The following TMEM51 variants were observed in gnomAD, a reference collection of about 807,000 sequenced individuals.
TMEM51 encodes chromosome 1 open reading frame 72.
A neutral mutation model predicts 13.6 loss-of-function variants in TMEM51; 8 were observed. The observed-to-expected ratio is 0.59, with a 90% CI of 0.35 to 1.07. TMEM51 has a LOEUF of 1.07. TMEM51 is among the 50% of genes least tolerant of loss of function. The pLI, the probability that TMEM51 is intolerant of heterozygous loss-of-function variation, is 0.02. For synonymous variants in TMEM51, 147 were observed against 144.4 expected, an observed-to-expected ratio of 1.02 and a Z score of -0.13; for missense variants, 279 against 330.7, an observed-to-expected ratio of 0.84 and a Z score of 1.21.
upstream of TMEM51, among the ~76,000 whole-genome samples, chr1:15,153,514 G>A (rs1204719101): frequency 1.1e-5 from 1 of 87,584 alleles, no homozygotes; most frequent in African/African-American, 4.2e-5. Flanking sequence ...CAAGGGTTGG[G>A]GAGAACTTAG....
At chr1:15,200,477 A>G (rs1644135219) in intron 1 of TMEM51, among the ~76,000 whole-genome samples, 1 of 149,146 alleles carries the variant, frequency 6.7e-6, no homozygotes, top group Non-Finnish European at 1.5e-5. Context: ...CAACCGCGTG[A>G]GGACAGAGGG....
chr1:15,175,348 C>A (rs556999740), intron 1 of TMEM51, among the ~76,000 whole-genome samples: 1 of 151,996 alleles, frequency 6.6e-6, no homozygotes, highest in African/African-American at 2.4e-5. Context: ...TGCAGTGAGC[C>A]GAGACCATAC....
intron 2 of TMEM51, among the ~76,000 whole-genome samples, chr1:15,214,238 T>C (rs6429729): frequency 0.56 from 84,342 of 151,688 alleles, 23,878 homozygotes; most frequent in East Asian, 0.64. Flanking sequence ...GCTGGAGGAT[T>C]TGGGGAGCAC....
intron 1 of TMEM51, among the ~76,000 whole-genome samples, chr1:15,197,644 G>T (rs551952326): frequency 6.9e-6 from 1 of 145,400 alleles, no homozygotes; most frequent in Admixed American, 7.3e-5. Flanking sequence ...CCAGTGCTCC[G>T]ATTATGGGCA....
chr1:15,186,692 T>C (rs1204816922), intron 1 of TMEM51, among the ~76,000 whole-genome samples: 2 of 152,220 alleles, frequency 1.3e-5, no homozygotes, highest in East Asian at 1.9e-4. Context: ...CGAAGAGCCT[T>C]ATGAGCAGGG....
intron 1 of TMEM51, among the ~76,000 whole-genome samples, chr1:15,204,984 G>A (rs918626646): frequency 6.6e-6 from 1 of 152,134 alleles, no homozygotes; most frequent in African/African-American, 2.4e-5. Flanking sequence ...GGCTGACGGG[G>A]ACAGGAGATC....
intron 1 of TMEM51, among the ~76,000 whole-genome samples, chr1:15,158,806 G>A (rs1456636767): frequency 1.3e-5 from 2 of 152,182 alleles, no homozygotes; most frequent in Non-Finnish European, 2.9e-5. Context: ...TCACAGAATG[G>A]ACAGCCACTT....
At chr1:15,157,793 G>A (rs1396197233) in intron 1 of TMEM51, among the ~76,000 whole-genome samples, 1 of 152,208 alleles carries the variant, frequency 6.6e-6, no homozygotes, top group African/African-American at 2.4e-5. Flanking sequence ...TGTGTCTTTG[G>A]ATGGCAGGCT....
chr1:15,192,061 G>C, intron 1 of TMEM51: 1 of 522,888 alleles, frequency 1.9e-6, no homozygotes, highest in East Asian at 5.4e-5. Flanking sequence ...ATGAGGATTA[G>C]AAGTGGCCGG....
intron 1 of TMEM51, among the ~76,000 whole-genome samples, chr1:15,178,143 T>C (rs1337770727): frequency 2.0e-5 from 1 of 49,660 alleles, no homozygotes; most frequent in African/African-American, 5.1e-5. Flanking sequence ...GAGGTCCTTG[T>C]GGCTGGAGAC....
upstream of TMEM51, chr1:15,152,784 G>A (rs1289505109): frequency 1.3e-5 from 2 of 152,256 alleles, no homozygotes; most frequent in African/African-American, 4.8e-5. Flanking sequence ...CAGAGCCGCG[G>A]GTGAGAGGCT....
At chr1:15,158,111 C>T (rs1408181507) in intron 1 of TMEM51, among the ~76,000 whole-genome samples, 3 of 152,134 alleles carry the variant, frequency 2.0e-5, no homozygotes, top group African/African-American at 7.2e-5. Flanking sequence ...GGTTTTTCAA[C>T]TCGTCATTAC....
rs773372632 is a variant in TMEM51 at position 15,207,688 on chromosome 1, G to C, written c.-266-2802G>C. ...GTGGAAAGAGCCTCTGCCCAGCGTG[G>C]AGCGGTGAGGCTAAAGGCTTCCATG... On this transcript the variant is annotated intron_variant, in intron 1 of 3. Transcript: ENST00000376008. The surrounding 1 kb of genome is among the most constrained non-coding windows in gnomAD (Gnocchi z 4.6). Among the ~76,000 whole-genome samples, 2 of 152,226 alleles carry C rather than the reference G, an allele frequency of 1.3e-5. No individual in the cohort carries two copies. The highest frequency in any genetic ancestry group is 2.4e-5 in the African/African-American group (1 of 41,452).
intron 1 of TMEM51, among the ~76,000 whole-genome samples, chr1:15,159,109 C>T (rs2100808972): frequency 6.6e-6 from 1 of 152,288 alleles, no homozygotes; most frequent in East Asian, 1.9e-4. Flanking sequence ...GTGGTGGAGG[C>T]AGGGCCGACA....
At chr1:15,176,372 G>A (rs947583151) in intron 1 of TMEM51, among the ~76,000 whole-genome samples, 12 of 152,170 alleles carry the variant, frequency 7.9e-5, no homozygotes, top group African/African-American at 2.4e-4. Flanking sequence ...CCCTCAAGAC[G>A]ACTCTAAATG....
chr1:15,170,346 G>GT (rs1553198644), intron 1 of TMEM51, among the ~76,000 whole-genome samples: 50,633 of 122,794 alleles, frequency 0.41, 8,837 homozygotes, highest in East Asian at 0.57. Flanking sequence ...ATACTGCTGG[G>GT]TTTTTTTTTA....
intron 1 of TMEM51, among the ~76,000 whole-genome samples, chr1:15,155,424 T>C (rs1001764983): frequency 3.3e-5 from 5 of 152,240 alleles, no homozygotes; most frequent in Non-Finnish European, 7.3e-5. Flanking sequence ...TAAAATGGGA[T>C]GATGATCTCC....
chr1:15,165,694 A>G (rs1415532756), intron 1 of TMEM51, among the ~76,000 whole-genome samples: 1 of 152,240 alleles, frequency 6.6e-6, no homozygotes, highest in Non-Finnish European at 1.5e-5. Flanking sequence ...AATAGCAATA[A>G]AACTAAAAAT....
Position 15,154,148 on chromosome 1 carries a change from C to G in TMEM51, c.-267+194C>G, listed in dbSNP as rs368326084. Among the ~76,000 whole-genome samples, 53 of 152,154 alleles carry G rather than the reference C, an allele frequency of 3.5e-4. 1 individual carries two copies. In the South Asian group the frequency reaches 0.011, roughly 31 times the overall value. On this transcript the variant is annotated intron_variant, in intron 1 of 3. Transcript: ENST00000376008. ...ACCCTCTGCGGCCGCGCCCCGCCGG[C>G]GCGGGACGCTCCCGCCTCCCGGGCA...
Sources: allele counts gnomAD v4.1 joint callset (sites outside exome capture counted in the v4.1 genomes callset), GRCh38; gene constraint gnomAD v4.1.1; non-coding constraint Gnocchi (gnomAD v3.1); transcripts MANE v1.5; gene names NCBI Gene and HGNC (gene_info 2026-07-23, HGNC 2026-07-21).